Variants in CLSTN2 observed in about 807,000 individuals in gnomAD.
CLSTN2 encodes calsyntenin 2.
CLSTN2 carries 48 observed loss-of-function variants against 101.2 expected under a neutral mutation model. That is an observed-to-expected ratio of 0.47 (90% CI 0.38 to 0.60). CLSTN2 has a LOEUF of 0.60. Among genes scored for constraint, CLSTN2 ranks in the 20% least tolerant of loss-of-function variants. The probability of loss-of-function intolerance (pLI) is 0.00; values close to 1 mark genes in which losing one functional copy is unlikely to be tolerated. For missense variants in CLSTN2, 1,160 were observed against 1,238.2 expected (o/e 0.94, Z 0.95); for synonymous variants, 481 against 463.6 (o/e 1.04, Z -0.48).
rs1411205252 is a variant in CLSTN2, at chr3:140,419,845, G to GTA, written c.638-1270_638-1269dup. On this transcript the variant is annotated intron_variant, in intron 4 of 16. Coordinates refer to ENST00000458420, the MANE Select transcript of CLSTN2 (RefSeq NM_022131.3). Reference sequence around the variant, plus strand: ...TATACGTATATGTGTATATATATGTGTATATATATATGTATATATATATAT... The same window carrying GTA: ...TATACGTATATGTGTATATATATGTGTATATATATATATGTATATATATATAT... Among the ~76,000 whole-genome samples, 12 of 88,544 alleles carry GTA rather than the reference G, an allele frequency of 1.4e-4. 3 individuals carry two copies. Among genetic ancestry groups the GTA allele is most frequent in the South Asian group, 2.8e-4 (1 of 3,616 alleles). The allele number at this position is 88,544 out of a possible 152,430, so 58.1% of individuals were successfully genotyped here.
intron 1 of CLSTN2, among the ~76,000 whole-genome samples, chr3:140,002,502 A>G (rs1168673668): frequency 6.6e-6 from 1 of 152,090 alleles, no homozygotes; most frequent in African/African-American, 2.4e-5. Context: ...TTCTGCCATT[A>G]TGTGGGTTGT....
intron 4 of CLSTN2, among the ~76,000 whole-genome samples, chr3:140,406,912 A>G (rs1044623847): frequency 1.3e-5 from 2 of 152,226 alleles, no homozygotes; most frequent in African/African-American, 4.8e-5. Context: ...CATGAAGATA[A>G]TTACTCACCT....
intron 1 of CLSTN2, among the ~76,000 whole-genome samples, chr3:140,071,554 G>A (rs1334316307): frequency 3.3e-5 from 5 of 152,162 alleles, no homozygotes; most frequent in Non-Finnish European, 5.9e-5. Context: ...GAAAAAGGCC[G>A]GGCGCAGTGG....
At chr3:140,420,154 A>G (rs2088484544) in intron 4 of CLSTN2, among the ~76,000 whole-genome samples, 1 of 151,876 alleles carries the variant, frequency 6.6e-6, no homozygotes. Flanking sequence ...TCAGCCTTCC[A>G]AAGTGCTGGG....
chr3:140,326,780 A>G (rs2087335604), intron 2 of CLSTN2, among the ~76,000 whole-genome samples: 1 of 152,118 alleles, frequency 6.6e-6, no homozygotes, highest in South Asian at 2.1e-4. Context: ...TTGCTCCCAC[A>G]TTTCCAGACA....
intron 2 of CLSTN2, among the ~76,000 whole-genome samples, chr3:140,259,271 C>T (rs958545725): frequency 6.6e-6 from 1 of 151,486 alleles, no homozygotes; most frequent in Non-Finnish European, 1.5e-5. Flanking sequence ...ATCAGGGGTT[C>T]GAGACCAGCC....
intron 1 of CLSTN2, among the ~76,000 whole-genome samples, chr3:140,112,626 C>T (rs1036265015): frequency 1.3e-5 from 2 of 152,066 alleles, no homozygotes; most frequent in Non-Finnish European, 2.9e-5. Flanking sequence ...AGGCTTGAGT[C>T]GCTCTAACCT....
intron 2 of CLSTN2, among the ~76,000 whole-genome samples, chr3:140,290,393 C>T (rs2086936347): frequency 6.6e-6 from 1 of 152,120 alleles, no homozygotes; most frequent in Non-Finnish European, 1.5e-5. Context: ...GAGGAGCCCA[C>T]AATATACCCG....
At chr3:140,177,136 A>G (rs1262883629) in intron 2 of CLSTN2, among the ~76,000 whole-genome samples, 1 of 152,212 alleles carries the variant, frequency 6.6e-6, no homozygotes, top group Non-Finnish European at 1.5e-5. Flanking sequence ...AGTGAGGGAG[A>G]TACTCTATTC....
chr3:140,068,943 G>T (rs558869754), intron 1 of CLSTN2, among the ~76,000 whole-genome samples: 17 of 152,258 alleles, frequency 1.1e-4, no homozygotes, highest in Non-Finnish European at 2.2e-4. Flanking sequence ...ACCACTCTGT[G>T]CTCTTTGATA....
chr3:140,343,557 C>T (rs2087512414), intron 2 of CLSTN2, among the ~76,000 whole-genome samples: 1 of 152,272 alleles, frequency 6.6e-6, no homozygotes, highest in East Asian at 1.9e-4. Context: ...AAACAGAGAG[C>T]TTAATAAATG....
intron 5 of CLSTN2, among the ~76,000 whole-genome samples, chr3:140,426,045 C>T (rs920518614): frequency 2.6e-5 from 4 of 152,196 alleles, no homozygotes; most frequent in Non-Finnish European, 4.4e-5. Flanking sequence ...GATGCACCTG[C>T]AGCAGGTCGC....
At chr3:140,452,928 TA>T (rs1361726115) in intron 6 of CLSTN2, among the ~76,000 whole-genome samples, 4 of 152,070 alleles carry the variant, frequency 2.6e-5, no homozygotes, top group Admixed American at 1.3e-4. Context: ...TCTGAATTCA[TA>T]GCTCCACATG....
chr3:139,998,449 TCTC>T (rs1431608517), intron 1 of CLSTN2, among the ~76,000 whole-genome samples: 3 of 144,824 alleles, frequency 2.1e-5, no homozygotes, highest in Non-Finnish European at 4.5e-5. Context: ...ATTCTCCTAT[TCTC>T]CTGCCTCAGC....
At chr3:140,557,977 T>C (rs1935832437) in intron 11 of CLSTN2, among the ~76,000 whole-genome samples, 2 of 152,228 alleles carry the variant, frequency 1.3e-5, no homozygotes, top group South Asian at 2.1e-4. Context: ...TTATCTCCAC[T>C]GTATAGATGA....
At chr3:140,240,160 CTCTCTCTCTCTCTCTA>C in intron 2 of CLSTN2, among the ~76,000 whole-genome samples, 6 of 18,112 alleles carry the variant, frequency 3.3e-4, no homozygotes, top group African/African-American at 4.8e-4. Flanking sequence ...CTGTCTCTCT[CTCTCTCTCTCTCTCTA>C]TATATATATA....
intron 1 of CLSTN2, among the ~76,000 whole-genome samples, chr3:140,066,212 T>A (rs2008296207): frequency 6.6e-6 from 1 of 152,152 alleles, no homozygotes; most frequent in African/African-American, 2.4e-5. Context: ...TGTCTCATTC[T>A]GTGCTTCTCA....
At chr3:140,137,782 G>T (rs1330875781) in intron 1 of CLSTN2, among the ~76,000 whole-genome samples, 1 of 152,212 alleles carries the variant, frequency 6.6e-6, no homozygotes, top group East Asian at 1.9e-4. Context: ...CATCGGTAGA[G>T]CAGAGACTGC....
intron 1 of CLSTN2, among the ~76,000 whole-genome samples, chr3:140,072,154 A>T (rs1197020707): frequency 6.6e-6 from 1 of 151,696 alleles, no homozygotes; most frequent in Non-Finnish European, 1.5e-5. Flanking sequence ...AAACACACAA[A>T]GATACTTGGA....
Sources: gnomAD v4.1 joint callset for allele counts (sites outside exome capture counted in the v4.1 genomes callset) on GRCh38, gnomAD v4.1.1 for gene constraint, MANE v1.5 for transcripts, NCBI Gene and HGNC (gene_info 2026-07-23, HGNC 2026-07-21) for gene names.